Variants in LHFPL3 observed in about 807,000 individuals in gnomAD.
LHFPL3 encodes LHFPL tetraspan subfamily member 3.
A neutral mutation model predicts 19.3 loss-of-function variants in LHFPL3; 5 were observed. The observed-to-expected ratio is 0.26, with a 90% CI of 0.14 to 0.54. The LOEUF (loss-of-function observed/expected upper bound fraction) is 0.54, where lower values mean the gene tolerates loss of function less well. LHFPL3 is among the 20% of genes least tolerant of loss of function. LHFPL3 has a pLI of 0.94. For synonymous variants in LHFPL3, 133 were observed against 126.2 expected (o/e 1.05, Z -0.36); for missense variants, 249 against 307.4 (o/e 0.81, Z 1.42).
intron 1 of LHFPL3, among the ~76,000 whole-genome samples, chr7:104,362,990 A>G (rs950922543): frequency 6.6e-6 from 1 of 152,252 alleles, no homozygotes; most frequent in African/African-American, 2.4e-5. Flanking sequence ...TACAATGCTA[A>G]TGTTCTCTAT....
At chr7:104,389,262 A>G (rs947713548) in intron 1 of LHFPL3, among the ~76,000 whole-genome samples, 2 of 152,194 alleles carry the variant, frequency 1.3e-5, no homozygotes, top group East Asian at 3.8e-4. Flanking sequence ...TAAGAAAACA[A>G]TCCCATTTAC....
intron 2 of LHFPL3, 36 bp from the exon 3 acceptor site, chr7:104,906,151 C>T (rs371765698): frequency 2.6e-5 from 42 of 1,600,738 alleles, no homozygotes; most frequent in South Asian, 5.6e-5. Flanking sequence ...TCTCTCCCCC[C>T]ACCCTTTTTC....
chr7:104,430,386 A>ATGTATATATATATATATATG (rs1200869852), intron 1 of LHFPL3, among the ~76,000 whole-genome samples: 4 of 41,968 alleles, frequency 9.5e-5, no homozygotes, highest in Non-Finnish European at 1.6e-4. Context: ...ATATATACAT[A>ATGTATATATATATATATATG]TATATATATA....
chr7:104,737,754 A>T (rs1793856716), intron 2 of LHFPL3, among the ~76,000 whole-genome samples: 1 of 152,174 alleles, frequency 6.6e-6, no homozygotes, highest in African/African-American at 2.4e-5. Flanking sequence ...AAAACTGTGC[A>T]CTTACATTAT....
intron 2 of LHFPL3, among the ~76,000 whole-genome samples, chr7:104,836,921 G>A (rs1194429342): frequency 2.6e-5 from 4 of 152,194 alleles, no homozygotes; most frequent in Non-Finnish European, 4.4e-5. Flanking sequence ...GGGTTCTGAA[G>A]CTAATGAAAA....
At chr7:104,675,126 A>G (rs1302952452) in intron 1 of LHFPL3, among the ~76,000 whole-genome samples, 3 of 152,262 alleles carry the variant, frequency 2.0e-5, no homozygotes, top group Non-Finnish European at 4.4e-5. Flanking sequence ...CAGAGTGGGA[A>G]GGAATCTCCA....
chr7:104,362,957 C>T (rs1584267679), intron 1 of LHFPL3, among the ~76,000 whole-genome samples: 1 of 152,180 alleles, frequency 6.6e-6, no homozygotes, highest in Admixed American at 6.5e-5. Flanking sequence ...GAAAAAAATA[C>T]CTCAAACACC....
intron 1 of LHFPL3, among the ~76,000 whole-genome samples, chr7:104,397,719 G>A (rs1308749644): frequency 6.6e-6 from 1 of 152,148 alleles, no homozygotes; most frequent in Non-Finnish European, 1.5e-5. Context: ...TACATGAAAG[G>A]CAGAAGGAAG....
chr7:104,664,450 C>T (rs1263346782), intron 1 of LHFPL3, among the ~76,000 whole-genome samples: 1 of 152,160 alleles, frequency 6.6e-6, no homozygotes, highest in African/African-American at 2.4e-5. Flanking sequence ...AAATTAAAGT[C>T]CTGGTCAGGT....
chr7:104,379,006 C>T (rs560559185), intron 1 of LHFPL3, among the ~76,000 whole-genome samples: 15 of 152,144 alleles, frequency 9.9e-5, no homozygotes, highest in Admixed American at 2.0e-4. Flanking sequence ...ATTCCTAATT[C>T]TCCCAACACA....
chr7:104,845,464 G>A, intron 2 of LHFPL3: 1 of 1,531,520 alleles, frequency 6.5e-7, no homozygotes, highest in Non-Finnish European at 8.7e-7. Context: ...GTTCAGCTCT[G>A]TTTTGTGCGC....
intron 1 of LHFPL3, among the ~76,000 whole-genome samples, chr7:104,562,815 A>G (rs568277409): frequency 4.6e-4 from 69 of 150,540 alleles, no homozygotes; most frequent in South Asian, 2.3e-3. Context: ...TTGTGGTTTT[A>G]TCTACTTTTG....
At chr7:104,805,848 A>T (rs1790350271) in intron 2 of LHFPL3, among the ~76,000 whole-genome samples, 1 of 152,218 alleles carries the variant, frequency 6.6e-6, no homozygotes, top group Non-Finnish European at 1.5e-5. Context: ...GCCCTCAGGG[A>T]ATAGGATTTA....
chr7:104,629,509 A>G (rs1374360058), intron 1 of LHFPL3, among the ~76,000 whole-genome samples: 1 of 152,120 alleles, frequency 6.6e-6, no homozygotes, highest in Non-Finnish European at 1.5e-5. Flanking sequence ...AGAAGTCCAC[A>G]TTTCTCTTGA....
intron 1 of LHFPL3, among the ~76,000 whole-genome samples, chr7:104,514,647 C>G (rs888055310): frequency 1.3e-4 from 20 of 152,168 alleles, no homozygotes; most frequent in African/African-American, 4.6e-4. Flanking sequence ...TCTCAGGGAG[C>G]TGGAAACTGG....
chr7:104,667,264 T>TGGGGGGG (rs112543248), intron 1 of LHFPL3, among the ~76,000 whole-genome samples: 63 of 147,918 alleles, frequency 4.3e-4, no homozygotes, highest in African/African-American at 1.5e-3. Flanking sequence ...TCTGTTTTCT[T>TGGGGGGG]GGGGGGGGGA....
chr7:104,442,185 T>G (rs1193639556), intron 1 of LHFPL3, among the ~76,000 whole-genome samples: 1 of 152,162 alleles, frequency 6.6e-6, no homozygotes, highest in Non-Finnish European at 1.5e-5. Flanking sequence ...ATATTGGCCA[T>G]TCATATCTCT....
At chr7:104,587,479 A>T (rs1247150550) in intron 1 of LHFPL3, among the ~76,000 whole-genome samples, 1 of 152,188 alleles carries the variant, frequency 6.6e-6, no homozygotes, top group Non-Finnish European at 1.5e-5. Flanking sequence ...ATAGTATTCC[A>T]TGGTGTATAT....
intron 1 of LHFPL3, among the ~76,000 whole-genome samples, chr7:104,505,144 C>T (rs375907860): frequency 6.6e-6 from 1 of 152,168 alleles, no homozygotes; most frequent in Non-Finnish European, 1.5e-5. Context: ...GCACTGGCTT[C>T]CAAAATCAGT....
Sources: gnomAD v4.1 joint callset for allele counts (sites outside exome capture counted in the v4.1 genomes callset) on GRCh38, gnomAD v4.1.1 for gene constraint, MANE v1.5 for transcripts, NCBI Gene and HGNC (gene_info 2026-07-23, HGNC 2026-07-21) for gene names.